ACOT9: variants seen among roughly 807,000 people sequenced by gnomAD.
ACOT9 encodes the protein acyl-CoA thioesterase 9.
ACOT9 carries 34 observed loss-of-function variants against 39.7 expected under a neutral mutation model. The observed-to-expected ratio is 0.86, with a 90% confidence interval of 0.65 to 1.14. The LOEUF (loss-of-function observed/expected upper bound fraction) is 1.14. Among genes scored for constraint, ACOT9 ranks in the 50% most tolerant of loss-of-function variants. The pLI is 0.00. For missense variants in ACOT9, 313 were observed against 344.1 expected (o/e 0.91, Z 0.71); for synonymous variants, 110 against 120.5 (o/e 0.91, Z 0.57).
rs1286200546 is a variant in ACOT9 at position 23,701,988 on chromosome X, G to A, written c.*1906C>T. 7.4e-5 allele frequency among the ~76,000 whole-genome samples: 8 copies of A among 108,802 alleles called. No homozygotes were observed. Among genetic ancestry groups the A allele is most frequent in the African/African-American group, 2.3e-4 (7 of 29,978 alleles). 94.5% of individuals were successfully genotyped at this position (108,802 alleles called of 115,157 possible). On this transcript the variant is annotated 3_prime_UTR_variant, in exon 16 of 16. Transcript: ENST00000379303. ...CTCAGGAGGCTGAGGCAGGAGAATC[G>A]CTTGAACCCGGGAGGTAGAGGTTGC...
intron 9 of ACOT9, among the ~76,000 whole-genome samples, chrX:23,711,684 G>C (rs1308555466): frequency 8.9e-6 from 1 of 111,846 alleles, no homozygotes; most frequent in Admixed American, 9.6e-5. Flanking sequence ...GGATGACAAA[G>C]TACACCCCTG....
In ACOT9 at chrX:23,737,929, T is replaced by C. The variant is rs896355630; in HGVS notation, c.21-1913A>G. 3.8e-5 allele frequency among the ~76,000 whole-genome samples: 4 copies of C among 105,759 alleles called. No individual in the cohort carries two copies. The South Asian group carries it at 1.3e-3, about 35-fold the overall frequency. The allele number at this position is 105,759 out of a possible 115,157, so 91.8% of individuals were successfully genotyped here. On this transcript the variant is annotated intron_variant, in intron 1 of 15. Coordinates refer to ENST00000379303, the MANE Select transcript of ACOT9 (RefSeq NM_001037171.2). Reference sequence around the variant, plus strand: ...TGTCGCCCAGGCTGGAGTGCAGTGGTGCGATCTCGGCTCACTGCAAGCTCT... The same window carrying C: ...TGTCGCCCAGGCTGGAGTGCAGTGGCGCGATCTCGGCTCACTGCAAGCTCT...
intron 6 of ACOT9, among the ~76,000 whole-genome samples, chrX:23,725,048 C>A: frequency 9.0e-6 from 1 of 111,545 alleles, no homozygotes; most frequent in East Asian, 2.8e-4. Flanking sequence ...AACTGAAACA[C>A]TGGGAGTAGA....
chrX:23,710,383 G>A (rs986489614), intron 9 of ACOT9, among the ~76,000 whole-genome samples: 6 of 111,666 alleles, frequency 5.4e-5, no homozygotes, highest in East Asian at 2.8e-4. Context: ...CAGGAAATAC[G>A]TAAGATGAGC....
At chrX:23,706,513 G>A (rs1462862560) in intron 11 of ACOT9, 115 bp downstream of exon 11, 17 of 497,661 alleles carry the variant, frequency 3.4e-5, no homozygotes, top group African/African-American at 1.6e-4. Flanking sequence ...AGCCAAGATC[G>A]TGCCATTGCA....
chrX:23,716,317 T>G (rs1010480938), intron 8 of ACOT9, among the ~76,000 whole-genome samples: 7 of 112,510 alleles, frequency 6.2e-5, no homozygotes, highest in African/African-American at 1.9e-4. Flanking sequence ...AGAAGTGTTC[T>G]GTATTCCAGA....
intron 7 of ACOT9, 84 bp downstream of exon 7, chrX:23,722,586 A>C: frequency 1.4e-6 from 1 of 701,440 alleles, no homozygotes; most frequent in Non-Finnish European, 2.1e-6. Flanking sequence ...AAATTCCCAT[A>C]AAAGGAGAGT....
Position 23,743,269 on chromosome X carries a change from C to CAGCGGTGTCCGGGGGCG in ACOT9, c.-126_-125insCGCCCCCGGACACCGCT. On this transcript the variant is annotated 5_prime_UTR_variant, in exon 1 of 16. Transcript: ENST00000379303. Reference sequence around the variant, plus strand: ...CCCTTGCTGAGGACAGCCCGGGAGCCGGACAGCGGTGTCCGGGGGCGGGAC... The same window carrying CAGCGGTGTCCGGGGGCG: ...CCCTTGCTGAGGACAGCCCGGGAGCCAGCGGTGTCCGGGGGCGGGACAGCGGTGTCCGGGGGCGGGAC... 6 of 899,914 alleles carry CAGCGGTGTCCGGGGGCG rather than the reference C, an allele frequency of 6.7e-6. No individual in the cohort carries two copies. The highest frequency in any genetic ancestry group is 8.8e-6 in the Non-Finnish European group (6 of 685,434). The allele number at this position is 899,914 out of a possible 1,213,427, so 74.2% of individuals were successfully genotyped here. A position where few individuals can be genotyped will look rare whatever the true frequency, so the allele number is the denominator to read the frequency against.
intron 6 of ACOT9, among the ~76,000 whole-genome samples, chrX:23,729,301 C>T (rs1056583137): frequency 9.0e-6 from 1 of 111,700 alleles, no homozygotes; most frequent in South Asian, 3.7e-4. Flanking sequence ...AAGCACCACA[C>T]AGACCCAAAT....
intron 8 of ACOT9, among the ~76,000 whole-genome samples, chrX:23,719,342 T>C (rs183690860): frequency 1.6e-4 from 18 of 111,943 alleles, no homozygotes; most frequent in Non-Finnish European, 2.8e-4. Flanking sequence ...CACTTGCATA[T>C]AGTACTGAAT....
At chrX:23,738,084 G>C (rs921218765) in intron 1 of ACOT9, among the ~76,000 whole-genome samples, 4 of 106,751 alleles carry the variant, frequency 3.7e-5, no homozygotes, top group African/African-American at 1.4e-4. Context: ...AGCCAGGATG[G>C]TCTCAAACTC....
chrX:23,713,588 G>C (rs1270220439), intron 8 of ACOT9, among the ~76,000 whole-genome samples: 1 of 106,668 alleles, frequency 9.4e-6, no homozygotes, highest in East Asian at 2.9e-4. Flanking sequence ...GAGAGAGAGA[G>C]AGAAAGCCTG....
intron 8 of ACOT9, among the ~76,000 whole-genome samples, chrX:23,720,040 AG>A (rs1929255508): frequency 8.9e-6 from 1 of 111,929 alleles, no homozygotes; most frequent in South Asian, 3.6e-4. Flanking sequence ...TCACCGTGTT[AG>A]CCAGGATGGT....
rs776491739 is a variant in ACOT9 at position 23,734,224 on chromosome X, A to T, written c.145+117T>A. On this transcript the variant is annotated intron_variant, in intron 3 of 15. Coordinates refer to ENST00000379303, the MANE Select transcript of ACOT9 (RefSeq NM_001037171.2). ...AAAAATGAAGCAAAGACTTACATCA[A>T]GCTAAGGCAAAGAATGCAATTTTAG... 1.5e-5 allele frequency: 9 copies of T among 585,104 alleles called. No individual in the cohort carries two copies. In the African/African-American group the frequency reaches 1.8e-4, roughly 12 times the overall value. The allele number at this position is 585,104 out of a possible 1,213,427, so 48.2% of individuals were successfully genotyped here.
Position 23,743,183 on chromosome X carries a change from C to G in ACOT9, c.-39G>C. 3.5e-6 allele frequency: 4 copies of G among 1,146,996 alleles called. No homozygotes were observed. Among genetic ancestry groups the G allele is most frequent in the Non-Finnish European group, 4.6e-6 (4 of 861,488 alleles). The allele number at this position is 1,146,996 out of a possible 1,213,427, so 94.5% of individuals were successfully genotyped here. On this transcript the variant is annotated 5_prime_UTR_variant, in exon 1 of 16. Transcript: ENST00000379303. Reference sequence around the variant, plus strand: ...CGTGCGCGCGATGGAGAACCGGGCCCCGCGCGCTAGTCGGCGGAGGGAAAC... The same window carrying G: ...CGTGCGCGCGATGGAGAACCGGGCCGCGCGCGCTAGTCGGCGGAGGGAAAC...
intron 8 of ACOT9, among the ~76,000 whole-genome samples, chrX:23,721,103 A>T (rs887951126): frequency 9.1e-6 from 1 of 109,698 alleles, no homozygotes; most frequent in African/African-American, 3.3e-5. Flanking sequence ...TTATTTATTT[A>T]TTTTTTGAGA....
intron 8 of ACOT9, among the ~76,000 whole-genome samples, chrX:23,717,631 G>A (rs1266365028): frequency 9.0e-6 from 1 of 110,804 alleles, no homozygotes; most frequent in South Asian, 3.9e-4. Context: ...GGAGGAGGAT[G>A]AGAATTGGGG....
intron 8 of ACOT9, among the ~76,000 whole-genome samples, chrX:23,720,081 C>T (rs1182074431): frequency 2.7e-5 from 3 of 112,631 alleles, no homozygotes; most frequent in African/African-American, 6.4e-5. Context: ...GATCTGCCCG[C>T]CTTGGCCTCC....
At chrX:23,742,213 T>TA (rs1920974640) in intron 1 of ACOT9, among the ~76,000 whole-genome samples, 1 of 68,910 alleles carries the variant, frequency 1.5e-5, no homozygotes, top group African/African-American at 7.5e-5. Flanking sequence ...AGTGAGTGAG[T>TA]GAGAGAGAGA....
Sources: allele counts gnomAD v4.1 joint callset (sites outside exome capture counted in the v4.1 genomes callset), GRCh38; gene constraint gnomAD v4.1.1; transcripts MANE v1.5; gene names NCBI Gene and HGNC (gene_info 2026-07-23, HGNC 2026-07-21).